The following NRG2 variants were observed in gnomAD, a reference collection of about 807,000 sequenced individuals.
NRG2 encodes pro-neuregulin-2, membrane-bound isoform.
NRG2 carries 27 observed loss-of-function variants against 73.9 expected under a neutral mutation model. That is an observed-to-expected ratio of 0.37 (90% CI 0.27 to 0.50). NRG2 has a LOEUF of 0.50. Ranked by LOEUF, NRG2 falls within the 20% of genes least tolerant of loss-of-function variation. NRG2 has a pLI of 0.96. For missense variants in NRG2, 1,126 were observed against 1,210.1 expected, an observed-to-expected ratio of 0.93 and a Z score of 1.03; for synonymous variants, 532 against 541.0, an observed-to-expected ratio of 0.98 and a Z score of 0.23.
At chr5:139,941,080 A>G (rs1398048325) in intron 1 of NRG2, among the ~76,000 whole-genome samples, 1 of 152,228 alleles carries the variant, frequency 6.6e-6, no homozygotes, top group East Asian at 1.9e-4. Flanking sequence ...AAAATGTGAG[A>G]TTGGGCAACT....
At chr5:139,982,861 A>G (rs1483164412) in intron 1 of NRG2, among the ~76,000 whole-genome samples, 1 of 152,146 alleles carries the variant, frequency 6.6e-6, no homozygotes, top group African/African-American at 2.4e-5. Context: ...GAATGGGGGA[A>G]ATTTTATGAC....
chr5:139,979,410 G>C (rs535175928), intron 1 of NRG2, among the ~76,000 whole-genome samples: 1 of 152,132 alleles, frequency 6.6e-6, no homozygotes, highest in Admixed American at 6.5e-5. Flanking sequence ...GCACAGAGTT[G>C]CTATGAGGCC....
Position 139,865,197 on chromosome 5 carries a change from A to G in NRG2, c.1189+352T>C, listed in dbSNP as rs1362692864. ...ACCTACCAAAAGAAAGAAAACCAGA[A>G]AGAGAGAGCCAGGATAGCAAGACAC... On this transcript the variant is annotated intron_variant, in intron 5 of 9. Transcript: ENST00000361474. The surrounding 1 kb of genome is among the most constrained non-coding windows in gnomAD (Gnocchi z 5.2). 8 of 1,603,290 alleles carry G rather than the reference A, an allele frequency of 5.0e-6. No homozygotes were observed. Among genetic ancestry groups the G allele is most frequent in the African/African-American group, 1.3e-5 (1 of 74,720 alleles).
Position 139,847,846 on chromosome 5 carries a change from C to T in NRG2, c.*71G>A. ...TTTTATTTCTTTTTTCCTCCTTTCT[C>T]TCCAGTAGGCGGTCTCTGGTCTCCT... On this transcript the variant is annotated 3_prime_UTR_variant, in exon 10 of 10. Coordinates refer to ENST00000361474, the MANE Select transcript of NRG2 (RefSeq NM_004883.3). The T allele has an allele frequency of 1.2e-6, 1 of 855,228 alleles. No individual in the cohort carries two copies. Among genetic ancestry groups the T allele is most frequent in the Non-Finnish European group, 1.6e-6 (1 of 628,190 alleles). The allele number at this position is 855,228 out of a possible 1,614,324, so 53.0% of individuals were successfully genotyped here.
Position 139,904,513 on chromosome 5 carries a change from C to T in NRG2, c.701-17002G>A. 5.5e-6 allele frequency: 3 copies of T among 547,178 alleles called. No homozygotes were observed. The South Asian group carries it at 7.6e-5, about 14-fold the overall frequency. The allele number at this position is 547,178 out of a possible 1,614,324, so 33.9% of individuals were successfully genotyped here. A position where few individuals can be genotyped will look rare whatever the true frequency, so the allele number is the denominator to read the frequency against. The stretch of plus-strand genomic sequence containing the variant: ...CGCCTTTCTTATAGGCGGTCACACC[C>T]TCCGGGGGAGGGGAGCAGCGAGCCT... On this transcript the variant is annotated intron_variant, in intron 1 of 9. Transcript: ENST00000361474. This position sits in a 1 kb window ranked among gnomAD's most constrained non-coding sequence, Gnocchi z 6.0.
At chr5:139,937,370 G>A (rs948612610) in intron 1 of NRG2, among the ~76,000 whole-genome samples, 5 of 151,994 alleles carry the variant, frequency 3.3e-5, no homozygotes, top group Non-Finnish European at 7.4e-5. Flanking sequence ...CATACTTAAC[G>A]GCAAAAAATT....
Position 139,871,841 on chromosome 5 carries a change from A to G in NRG2, c.992T>C (p.Val331Ala), listed in dbSNP as rs746398065. ...CGACCAGGATGACAGGGTGGTGCTC[A>G]CTGAGGGTATGAGAGACATGTGCCA... ...TVRGRLYVNS[V>A]STTLSSWSGH... is the part of the protein sequence containing the mutation. Residue 331 changes from valine (V) to alanine (A), a missense_variant and splice_region_variant, in exon 4 of 10, where the codon GTG becomes GCG. Val to Ala is a moderately conservative substitution (Grantham distance 64). Coordinates refer to ENST00000361474, the MANE Select transcript of NRG2 (RefSeq NM_004883.3). 1 of 1,613,840 alleles carries G rather than the reference A, an allele frequency of 6.2e-7. No homozygotes were observed. The highest frequency in any genetic ancestry group is 1.1e-5 in the South Asian group (1 of 91,048).
Position 140,043,047 on chromosome 5 carries a change from G to T in NRG2, c.23C>A (p.Ala8Glu). The change falls in exon 1 of 10, where the codon GCG becomes GAG. Residue 8 changes from alanine to glutamate, a missense_variant. Ala to Glu is a moderately radical substitution (Grantham distance 107). This residue lies in a region of NRG2 where 185 missense variants were observed against 149.0 expected (regional missense o/e 1.24). Transcript: ENST00000361474. This position sits in a 1 kb window ranked among gnomAD's most constrained non-coding sequence, Gnocchi z 6.7. ...CTTCTCCAGTGGCGGCGGCGGCAGCGCTGAGCAGCAAACCTGCCGCATCTG... is the reference window on the plus strand; with the variant it reads ...CTTCTCCAGTGGCGGCGGCGGCAGCTCTGAGCAGCAAACCTGCCGCATCTG... Reference protein sequence around the residue: MRQVCCSALPPPPLEKGR... With the variant: MRQVCCSELPPPPLEKGR... 1 of 1,535,954 alleles carries T rather than the reference G, an allele frequency of 6.5e-7. No individual in the cohort carries two copies. The highest frequency in any genetic ancestry group is 1.2e-5 in the South Asian group (1 of 84,052).
chr5:139,858,309 G>A (rs1406673451), intron 5 of NRG2, among the ~76,000 whole-genome samples: 1 of 152,164 alleles, frequency 6.6e-6, no homozygotes, highest in African/African-American at 2.4e-5. Flanking sequence ...GCCCTCTGCA[G>A]GACTCCCCCC....
chr5:139,953,491 C>T (rs1754386392), intron 1 of NRG2, among the ~76,000 whole-genome samples: 2 of 152,272 alleles, frequency 1.3e-5, no homozygotes, highest in South Asian at 2.1e-4. Flanking sequence ...CCAACCCCTT[C>T]CCACCGCTCT....
chr5:139,874,187 C>T (rs1297968542), intron 3 of NRG2, among the ~76,000 whole-genome samples: 5 of 152,234 alleles, frequency 3.3e-5, no homozygotes, highest in Non-Finnish European at 5.9e-5. Flanking sequence ...TGTTCTAGCA[C>T]GCGTGGGCTC....
intron 1 of NRG2, among the ~76,000 whole-genome samples, chr5:140,022,795 A>G (rs1449904011): frequency 2.0e-5 from 3 of 152,248 alleles, no homozygotes; most frequent in Admixed American, 1.3e-4. Flanking sequence ...TCACATAAGT[A>G]TTTGTTAAGT....
At chr5:139,966,764 T>A (rs1041949992) in intron 1 of NRG2, among the ~76,000 whole-genome samples, 4 of 151,940 alleles carry the variant, frequency 2.6e-5, no homozygotes, top group Non-Finnish European at 5.9e-5. Flanking sequence ...TGGGAAACTG[T>A]GTGGTGAGCT....
chr5:139,856,052 G>C lies in NRG2; in HGVS notation c.1190-274C>G. On this transcript the variant is annotated intron_variant, in intron 5 of 9. Coordinates refer to ENST00000361474, the MANE Select transcript of NRG2 (RefSeq NM_004883.3). This position sits in a 1 kb window ranked among gnomAD's most constrained non-coding sequence, Gnocchi z 4.2. ...AGCCCCATGCCTGCCCAGAGCACAT[G>C]AGTGGAAAATGCAGGGGAATGGGAA... The C allele has an allele frequency of 2.1e-6, 1 of 472,700 alleles. No individual in the cohort carries two copies. Among genetic ancestry groups the C allele is most frequent in the East Asian group, 3.5e-5 (1 of 28,884 alleles). 29.3% of individuals were successfully genotyped at this position (472,700 alleles called of 1,614,324 possible).
intron 1 of NRG2, among the ~76,000 whole-genome samples, chr5:139,891,837 CTATT>C (rs1326369092): frequency 3.9e-5 from 6 of 152,060 alleles, no homozygotes; most frequent in Non-Finnish European, 5.9e-5. Flanking sequence ...TAAAAAAAAA[CTATT>C]TATGTGCCTA....
chr5:140,039,522 G>A (rs1185321577), intron 1 of NRG2, among the ~76,000 whole-genome samples: 2 of 152,116 alleles, frequency 1.3e-5, no homozygotes, highest in Non-Finnish European at 2.9e-5. Flanking sequence ...CTTCCAGAAA[G>A]ACCCCTGTCT....
At position 139,854,710 on chromosome 5, in the gene NRG2, G is replaced by T. The variant is rs577953105; in HGVS notation, c.1292+966C>A. Among the ~76,000 whole-genome samples, 15 of 152,314 alleles carry T rather than the reference G, an allele frequency of 9.8e-5. No homozygotes were observed. The East Asian group carries it at 2.7e-3, about 28-fold the overall frequency. On this transcript the variant is annotated intron_variant, in intron 6 of 9. Coordinates refer to ENST00000361474, the MANE Select transcript of NRG2 (RefSeq NM_004883.3). ...CAGGGGCTCAGTCCCCAGAATGGTG[G>T]CTCTGTCCAGTCCAGACCCTTGCTT...
intron 1 of NRG2, among the ~76,000 whole-genome samples, chr5:139,935,490 A>C (rs530546241): frequency 2.0e-5 from 3 of 152,240 alleles, no homozygotes; most frequent in African/African-American, 7.2e-5. Context: ...ATAAATTCTA[A>C]AAGATTCAAA....
intron 1 of NRG2, among the ~76,000 whole-genome samples, chr5:139,984,778 G>A (rs972783999): frequency 4.6e-5 from 7 of 152,152 alleles, no homozygotes; most frequent in Non-Finnish European, 5.9e-5. Context: ...GACCGCTAAG[G>A]TCACAAAGTG....
Sources: allele counts gnomAD v4.1 joint callset (sites outside exome capture counted in the v4.1 genomes callset), GRCh38; gene constraint gnomAD v4.1.1; regional missense constraint gnomAD v4.1.1; non-coding constraint Gnocchi (gnomAD v3.1); transcripts MANE v1.5; gene names NCBI Gene and HGNC (gene_info 2026-07-23, HGNC 2026-07-21).